The following ESYT3 variants were observed in gnomAD, a reference collection of about 807,000 sequenced individuals.
ESYT3 encodes extended synaptotagmin-3.
ESYT3 carries 101 observed loss-of-function variants against 111.5 expected under a neutral mutation model. That is an observed-to-expected ratio of 0.91 (90% CI 0.77 to 1.07). The LOEUF is 1.07. Among genes scored for constraint, ESYT3 ranks in the 50% least tolerant of loss-of-function variants. The probability of loss-of-function intolerance (pLI) is 0.00; values close to 1 mark genes in which losing one functional copy is unlikely to be tolerated. For missense variants in ESYT3, 1,097 were observed against 1,109.4 expected, an observed-to-expected ratio of 0.99 and a Z score of 0.16; for synonymous variants, 416 against 446.8, an observed-to-expected ratio of 0.93 and a Z score of 0.87.
At chr3:138,446,698 T>C (rs1679170) in intron 1 of ESYT3, among the ~76,000 whole-genome samples, 16,048 of 152,062 alleles carry the variant, frequency 0.11, 1,207 homozygotes, top group East Asian at 0.38. Context: ...ACGACCAGCA[T>C]GGGCAACACT....
intron 2 of ESYT3, 120 bp from the exon 3 acceptor site, chr3:138,455,074 A>T: frequency 1.7e-6 from 2 of 1,159,424 alleles, no homozygotes; most frequent in Non-Finnish European, 2.5e-6. Flanking sequence ...TGAGTGCTGC[A>T]GCATAGGAAC....
At position 138,469,502 on chromosome 3, in the gene ESYT3, A is replaced by G. The variant is rs1313919146; in HGVS notation, c.1501A>G (p.Lys501Glu). ...LSVGKKTHTS[K>E]TCPHNKDPVW... ...TGTAGGCAAGAAGACACATACAAGT[A>G]AGGTAAGACAGCTTGGTGTGTAGCC... The change falls in exon 15 of 23, where the codon AAG becomes GAG. Residue 501 changes from lysine (K) to glutamate (E), a missense_variant and splice_region_variant. Physicochemically the swap from Lys to Glu is moderately conservative, Grantham distance 56. Coordinates refer to ENST00000389567, the MANE Select transcript of ESYT3 (RefSeq NM_031913.5). 1.9e-6 allele frequency: 3 copies of G among 1,613,796 alleles called. No individual in the cohort carries two copies. In the Admixed American group the frequency reaches 5.0e-5, roughly 27 times the overall value.
Position 138,462,409 on chromosome 3 carries a change from T to C in ESYT3, c.915+203T>C, listed in dbSNP as rs543792035. The C allele has an allele frequency of 3.4e-5, 22 of 638,892 alleles. No individual in the cohort carries two copies. In the East Asian group the frequency reaches 6.1e-4, roughly 18 times the overall value. 39.6% of individuals were successfully genotyped at this position (638,892 alleles called of 1,614,324 possible). ...ATCCCACTTGGGAGGTAGTGTCAAA[T>C]TTACTGCATTCTAAACTTACTTGGA... On this transcript the variant is annotated intron_variant, in intron 8 of 22. Transcript: ENST00000389567.
intron 2 of ESYT3, among the ~76,000 whole-genome samples, chr3:138,454,800 C>T (rs2032170073): frequency 6.6e-6 from 1 of 152,180 alleles, no homozygotes; most frequent in Admixed American, 6.5e-5. Flanking sequence ...TTAACTTTCT[C>T]TTCTGTAATT....
intron 1 of ESYT3, among the ~76,000 whole-genome samples, chr3:138,449,720 G>A (rs1249832723): frequency 6.6e-6 from 1 of 152,186 alleles, no homozygotes; most frequent in African/African-American, 2.4e-5. Context: ...AAGGAGGACA[G>A]CTACTGGTGA....
chr3:138,473,559 A>C lies in ESYT3; in HGVS notation c.2261A>C (p.Gln754Pro). ...NIEGGDLRRRQLGEIQLTVRY... is the reference protein window; with the variant it reads ...NIEGGDLRRRPLGEIQLTVRY... ...AGAGGTGGGGACCTCAGGCGACGGC[A>C]GCTGGGTGAGATTCAGCTCACAGTG... The change falls in exon 19 of 23, where the codon CAG becomes CCG. Residue 754 changes from glutamine to proline, a missense_variant. Transcript: ENST00000389567. 2 of 1,613,752 alleles carry C rather than the reference A, an allele frequency of 1.2e-6. No homozygotes were observed. The highest frequency in any genetic ancestry group is 1.7e-6 in the Non-Finnish European group (2 of 1,179,722).
intron 4 of ESYT3, among the ~76,000 whole-genome samples, chr3:138,458,610 T>C (rs1416406495): frequency 6.6e-6 from 1 of 152,234 alleles, no homozygotes; most frequent in Non-Finnish European, 1.5e-5. Context: ...CTGCTGATCT[T>C]TACCCTCAAG....
At chr3:138,443,955 T>C (rs1009208437) in intron 1 of ESYT3, among the ~76,000 whole-genome samples, 7 of 152,152 alleles carry the variant, frequency 4.6e-5, no homozygotes, top group Non-Finnish European at 8.8e-5. Context: ...TTGGCTCCGA[T>C]GGGAGGCAGC....
At chr3:138,448,963 T>C (rs930133390) in intron 1 of ESYT3, among the ~76,000 whole-genome samples, 1 of 152,064 alleles carries the variant, frequency 6.6e-6, no homozygotes, top group Non-Finnish European at 1.5e-5. Context: ...TTCAGACTCA[T>C]CCATGATGGG....
In ESYT3 at chr3:138,468,045, G is replaced by T; in HGVS notation, c.1219-60G>T. 5.3e-6 allele frequency: 8 copies of T among 1,520,764 alleles called. No homozygotes were observed. The South Asian group carries it at 6.8e-5, about 13-fold the overall frequency. 94.2% of individuals were successfully genotyped at this position (1,520,764 alleles called of 1,614,324 possible). ...CCAGGTCTCAGGACTGGGCTGCCCA[G>T]AGAGCATCAGTAGCATCTCCCTGGC... On this transcript the variant is annotated intron_variant, in intron 11 of 22. Transcript: ENST00000389567.
intron 3 of ESYT3, among the ~76,000 whole-genome samples, chr3:138,455,948 C>A (rs2032251346): frequency 6.6e-6 from 1 of 152,208 alleles, no homozygotes; most frequent in South Asian, 2.1e-4. Flanking sequence ...TGACTTGAAT[C>A]TTTTGATCAT....
chr3:138,463,128 T>C (rs2032740149), intron 8 of ESYT3, among the ~76,000 whole-genome samples: 1 of 152,098 alleles, frequency 6.6e-6, no homozygotes, highest in Non-Finnish European at 1.5e-5. Context: ...GGAGTCTTGC[T>C]CTGTGGCCCA....
In ESYT3 at chr3:138,468,698, A is replaced by G; in HGVS notation, c.1352A>G (p.Glu451Gly). Residue 451 changes from glutamate to glycine, a missense_variant, in exon 13 of 23, where the codon GAG (glutamate) becomes GGG (glycine). Glu to Gly is a moderately conservative substitution (Grantham distance 98, BLOSUM62 -2). Transcript: ENST00000389567. The stretch of plus-strand genomic sequence containing the variant: ...ACTGCCATTCTCGTGGTCTTCTTGG[A>G]GAGTGCCTGCAACTTGCCGGTGAGT... Reference protein sequence around the residue: ...LSTAILVVFLESACNLPRNPF... With the variant: ...LSTAILVVFLGSACNLPRNPF... The G allele has an allele frequency of 6.2e-7, 1 of 1,614,036 alleles. No homozygotes were observed. The highest frequency in any genetic ancestry group is 8.5e-7 in the Non-Finnish European group (1 of 1,180,020).
rs1401122211 is a variant in ESYT3, at chr3:138,434,835, A to G, written c.37A>G (p.Ser13Gly). ...AEEPCAPGAP[S>G]ALGAQRTPGP... ...GGAGCCCTGCGCCCCCGGGGCCCCC[A>G]GCGCCCTGGGAGCCCAGCGCACGCC... is the stretch of plus-strand genomic sequence containing the variant. Residue 13 changes from serine to glycine, a missense_variant, in exon 1 of 23, where the codon AGC becomes GGC. Coordinates refer to ENST00000389567, the MANE Select transcript of ESYT3 (RefSeq NM_031913.5). 8.4e-6 allele frequency: 13 copies of G among 1,554,886 alleles called. No homozygotes were observed. The highest frequency in any genetic ancestry group is 1.0e-5 in the Non-Finnish European group (12 of 1,150,440).
intron 11 of ESYT3, among the ~76,000 whole-genome samples, chr3:138,467,842 G>T (rs2033008582): frequency 6.6e-6 from 1 of 152,108 alleles, no homozygotes; most frequent in South Asian, 2.1e-4. Flanking sequence ...CCCCAGCAGG[G>T]GACAGTCACA....
At chr3:138,445,197 G>C (rs2031450655) in intron 1 of ESYT3, among the ~76,000 whole-genome samples, 1 of 152,212 alleles carries the variant, frequency 6.6e-6, no homozygotes, top group Non-Finnish European at 1.5e-5. Context: ...CTCCCCACTA[G>C]CTGGTCCCAG....
chr3:138,465,288 A>G (rs2032869039), intron 9 of ESYT3, 51 bp from the exon 10 acceptor site: 5 of 1,408,758 alleles, frequency 3.5e-6, no homozygotes, highest in South Asian at 1.3e-5. Context: ...TTTGGGTCAT[A>G]TGTCAGGTCG....
At chr3:138,470,455 T>TA (rs1393749072) in intron 16 of ESYT3, 10 of 1,107,282 alleles carry the variant, frequency 9.0e-6, no homozygotes, top group Non-Finnish European at 1.1e-5. Context: ...TGGTGTACTT[T>TA]AAAAAATATA....
intron 19 of ESYT3, 145 bp downstream of exon 19, chr3:138,473,779 C>A: frequency 1.4e-6 from 1 of 726,378 alleles, no homozygotes; most frequent in Non-Finnish European, 2.2e-6. Flanking sequence ...AAGGCCTGAA[C>A]ACTGTAATCA....
Sources: allele counts gnomAD v4.1 joint callset (sites outside exome capture counted in the v4.1 genomes callset), GRCh38; gene constraint gnomAD v4.1.1; transcripts MANE v1.5; gene names NCBI Gene and HGNC (gene_info 2026-07-23, HGNC 2026-07-21).